FOXJ2: variants seen among roughly 807,000 people sequenced by gnomAD.
FOXJ2 encodes the protein forkhead box J2.
FOXJ2 carries 18 observed loss-of-function variants against 68.4 expected under a neutral mutation model. That is an observed-to-expected ratio of 0.26 (90% CI 0.18 to 0.39). The LOEUF (loss-of-function observed/expected upper bound fraction) is 0.39, where lower values mean the gene tolerates loss of function less well. Ranked by LOEUF, FOXJ2 falls within the 10% of genes least tolerant of loss-of-function variation. The probability of loss-of-function intolerance (pLI) is 1.00; values close to 1 mark genes in which losing one functional copy is unlikely to be tolerated. For missense variants in FOXJ2, 670 were observed against 726.5 expected, an observed-to-expected ratio of 0.92 and a Z score of 0.89; for synonymous variants, 274 against 263.2, an observed-to-expected ratio of 1.04 and a Z score of -0.40.
rs752615890 is a variant in FOXJ2, at chr12:8,039,927, A to G, written c.95A>G (p.Gln32Arg). 1 of 1,614,108 alleles carries G rather than the reference A, an allele frequency of 6.2e-7. No individual in the cohort carries two copies. The highest frequency in any genetic ancestry group is 8.5e-7 in the Non-Finnish European group (1 of 1,179,998). Residue 32 changes from glutamine to arginine, a missense_variant, in exon 2 of 11, where the codon CAG becomes CGG. Gln to Arg is a conservative substitution (Grantham distance 43). Coordinates refer to ENST00000162391, the MANE Select transcript of FOXJ2 (RefSeq NM_018416.3). The part of the protein sequence containing the change: ...ATIEKLGSAS[Q>R]AGPPGSSRKC... ...ATTGAGAAGCTTGGAAGTGCCTCCC[A>G]GGCTGGGCCTCCCGGGAGCAGCCGC...
chr12:8,036,148 G>A (rs73244551), intron 1 of FOXJ2, among the ~76,000 whole-genome samples: 5,453 of 152,244 alleles, frequency 0.036, 352 homozygotes, highest in African/African-American at 0.13. Context: ...AATCAAAATA[G>A]TGGAGCTGGG....
At chr12:8,050,273 G>A in intron 9 of FOXJ2, 4 of 1,204,388 alleles carry the variant, frequency 3.3e-6, no homozygotes, top group Non-Finnish European at 4.2e-6. Flanking sequence ...ACCATACCTG[G>A]CCCTGTGTTT....
intron 10 of FOXJ2, among the ~76,000 whole-genome samples, chr12:8,052,248 A>G (rs1277518527): frequency 6.7e-6 from 1 of 148,574 alleles, no homozygotes; most frequent in Non-Finnish European, 1.5e-5. Context: ...TTTGAGACGG[A>G]GTCTCGCTCT....
chr12:8,042,579 G>T, intron 2 of FOXJ2, 79 bp from the exon 3 acceptor site: 3 of 1,201,208 alleles, frequency 2.5e-6, no homozygotes, highest in Admixed American at 1.8e-5. Context: ...ATGTTTTTTT[G>T]TGTGTCCCTC....
intron 1 of FOXJ2, among the ~76,000 whole-genome samples, chr12:8,037,595 T>G (rs890133952): frequency 2.0e-5 from 3 of 152,190 alleles, no homozygotes; most frequent in African/African-American, 4.8e-5. Flanking sequence ...GAAAGTTGTT[T>G]CAAATGAACA....
rs2120358048 is a variant in FOXJ2 at position 8,053,886 on chromosome 12, A to G, written c.*1036A>G. 1 of 151,754 alleles carries G rather than the reference A, an allele frequency of 6.6e-6. No individual in the cohort carries two copies. The highest frequency in any genetic ancestry group is 1.5e-5 in the Non-Finnish European group (1 of 67,950). 9.4% of individuals were successfully genotyped at this position (151,754 alleles called of 1,614,324 possible). A position where few individuals can be genotyped will look rare whatever the true frequency, so the allele number is the denominator to read the frequency against. Reference sequence around the variant, plus strand: ...TTCCACCCATCTTTTTTCTTCCCTCATTTTCTGGGATTCTCAAGAAAGAAA... The same window carrying G: ...TTCCACCCATCTTTTTTCTTCCCTCGTTTTCTGGGATTCTCAAGAAAGAAA... On this transcript the variant is annotated 3_prime_UTR_variant, in exon 11 of 11. Coordinates refer to ENST00000162391, the MANE Select transcript of FOXJ2 (RefSeq NM_018416.3). This position sits in a 1 kb window ranked among gnomAD's most constrained non-coding sequence, Gnocchi z 4.1.
chr12:8,044,154 T>C, intron 5 of FOXJ2, 63 bp downstream of exon 5: 1 of 1,435,614 alleles, frequency 7.0e-7, no homozygotes, highest in Non-Finnish European at 9.2e-7. Flanking sequence ...TGTCTCCCTG[T>C]TTATTCAGAA....
chr12:8,041,481 T>G (rs887990262), intron 2 of FOXJ2, among the ~76,000 whole-genome samples: 5 of 151,848 alleles, frequency 3.3e-5, no homozygotes, highest in African/African-American at 1.2e-4. Context: ...GTGCAGGGAT[T>G]ACAGGTGTGA....
At chr12:8,037,827 A>T (rs1364140581) in intron 1 of FOXJ2, among the ~76,000 whole-genome samples, 1 of 152,168 alleles carries the variant, frequency 6.6e-6, no homozygotes, top group African/African-American at 2.4e-5. Flanking sequence ...TATATATGTG[A>T]TCTGCTATAG....
At position 8,042,644 on chromosome 12, in the gene FOXJ2, C is replaced by G. The variant is rs1481737460; in HGVS notation, c.334-14C>G. On this transcript the variant is annotated splice_polypyrimidine_tract_variant and intron_variant, in intron 2 of 10. Transcript: ENST00000162391. ...CATAATGCTCAGGCCTAACTTGCTTCTCTGCCTCTCCAGAATTCAATACGG... is the reference window on the plus strand; with the variant it reads ...CATAATGCTCAGGCCTAACTTGCTTGTCTGCCTCTCCAGAATTCAATACGG... The G allele has an allele frequency of 6.2e-7, 1 of 1,613,748 alleles. No individual in the cohort carries two copies. Among genetic ancestry groups the G allele is most frequent in the Non-Finnish European group, 8.5e-7 (1 of 1,179,670 alleles).
Position 8,044,047 on chromosome 12 carries a change from C to A in FOXJ2, c.574C>A (p.Gln192Lys). The A allele has an allele frequency of 6.3e-7, 1 of 1,581,354 alleles. No individual in the cohort carries two copies. The highest frequency in any genetic ancestry group is 8.6e-7 in the Non-Finnish European group (1 of 1,165,976). The change falls in exon 5 of 11, where the codon CAG (glutamine) becomes AAG (lysine). Residue 192 changes from glutamine (Q) to lysine (K), a missense_variant. Physicochemically the swap from Gln to Lys is moderately conservative, Grantham distance 53. Around this residue, in one of 2 missense-constraint regions of FOXJ2, gnomAD observed 555 missense variants for 562.2 expected, o/e 0.99. Transcript: ENST00000162391. ...CTCACTGCCTCCTGAGGGGAATCCG[C>A]AGATGTCACTTCAGAGCCCCACATC... is the stretch of plus-strand genomic sequence containing the variant. ...EASLPPEGNP[Q>K]MSLQSPTSIA...
Position 8,050,539 on chromosome 12 carries a change from C to T in FOXJ2, c.1555C>T (p.Pro519Ser), listed in dbSNP as rs1328340057. 1 of 1,613,696 alleles carries T rather than the reference C, an allele frequency of 6.2e-7. No individual in the cohort carries two copies. Among genetic ancestry groups the T allele is most frequent in the South Asian group, 1.1e-5 (1 of 91,006 alleles). ...TTTGGCAGTGAACTCTTATGGGCAC[C>T]CACAAGCTCCCCACCTCTACCCTGG... ...AMSQVNSYGH[P>S]QAPHLYPGPS... The change falls in exon 10 of 11, where the codon CCA becomes TCA. Residue 519 changes from proline (P) to serine (S), a missense_variant. Coordinates refer to ENST00000162391, the MANE Select transcript of FOXJ2 (RefSeq NM_018416.3).
At chr12:8,052,672 G>C (rs1947141604) in intron 10 of FOXJ2, 90 bp from the exon 11 acceptor site, 1 of 1,108,266 alleles carries the variant, frequency 9.0e-7, no homozygotes, top group African/African-American at 1.5e-5. Flanking sequence ...CTTCTTCGTG[G>C]TGTTATCTGG....
At chr12:8,042,991 G>A (rs979024626) in intron 3 of FOXJ2, among the ~76,000 whole-genome samples, 3 of 152,066 alleles carry the variant, frequency 2.0e-5, no homozygotes, top group South Asian at 4.2e-4. Flanking sequence ...CGAGGCGGGC[G>A]GATCAACTGA....
chr12:8,051,222 TG>T (rs1270485393), intron 10 of FOXJ2, among the ~76,000 whole-genome samples: 1 of 150,298 alleles, frequency 6.7e-6, no homozygotes, highest in Non-Finnish European at 1.5e-5. Context: ...CTCCACCTCC[TG>T]GGTTGAAATG....
chr12:8,048,748 A>G lies in FOXJ2; in HGVS notation c.1277A>G (p.Lys426Arg). The G allele has an allele frequency of 6.2e-7, 1 of 1,614,174 alleles. No homozygotes were observed. Residue 426 changes from lysine (K) to arginine (R), a missense_variant, in exon 8 of 11, where the codon AAG becomes AGG. Lys to Arg is a conservative substitution (Grantham distance 26). This residue lies in a region of FOXJ2 where 555 missense variants were observed against 562.2 expected (regional missense o/e 0.99). Transcript: ENST00000162391. ...SNIDSLKESFKMVNRLNWSSI... is the reference protein window; with the variant it reads ...SNIDSLKESFRMVNRLNWSSI... ...ATTGACTCTTTAAAGGAAAGCTTCA[A>G]GATGGTGAATCGGCTCAATTGGTCC...
chr12:8,039,783 C>G (rs765462945), intron 1 of FOXJ2, 36 bp from the exon 2 acceptor site: 2 of 1,524,932 alleles, frequency 1.3e-6, no homozygotes, highest in South Asian at 1.2e-5. Flanking sequence ...ATTACTTGCC[C>G]CCAGTATTTT....
At position 8,040,805 on chromosome 12, in the gene FOXJ2, C is replaced by T. The variant is rs1946955344; in HGVS notation, c.333+640C>T. ...TTGCCATTCTACGATGTTCCAGTCA[C>T]TGTGCAAGGCATGGCATCACTCCTT... On this transcript the variant is annotated intron_variant, in intron 2 of 10. Transcript: ENST00000162391. The surrounding 1 kb of genome is among the most constrained non-coding windows in gnomAD (Gnocchi z 4.0). Among the ~76,000 whole-genome samples, 2 of 152,160 alleles carry T rather than the reference C, an allele frequency of 1.3e-5. No individual in the cohort carries two copies. Among genetic ancestry groups the T allele is most frequent in the South Asian group, 4.1e-4 (2 of 4,832 alleles).
At chr12:8,050,999 T>C (rs1591582162) in intron 10 of FOXJ2, among the ~76,000 whole-genome samples, 1 of 94,440 alleles carries the variant, frequency 1.1e-5, no homozygotes, top group East Asian at 3.7e-4. Flanking sequence ...TTCCCTTCCC[T>C]TTCCTTCCCC....
Sources: allele counts gnomAD v4.1 joint callset (sites outside exome capture counted in the v4.1 genomes callset), GRCh38; gene constraint gnomAD v4.1.1; regional missense constraint gnomAD v4.1.1; non-coding constraint Gnocchi (gnomAD v3.1); transcripts MANE v1.5; gene names NCBI Gene and HGNC (gene_info 2026-07-23, HGNC 2026-07-21).